Variants in ADAMTSL3 observed in about 807,000 individuals in gnomAD.
ADAMTSL3 encodes ADAMTS-like protein 3.
In ADAMTSL3, 128 loss-of-function variants were observed where a neutral mutation model predicts 201.7. That is an observed-to-expected ratio of 0.63 (90% CI 0.55 to 0.73). The LOEUF (loss-of-function observed/expected upper bound fraction) is 0.73, where lower values mean the gene tolerates loss of function less well. ADAMTSL3 is among the 30% of genes least tolerant of loss of function. ADAMTSL3 has a pLI of 0.00. For missense variants in ADAMTSL3, 1,990 were observed against 2,119.6 expected (o/e 0.94, Z 1.20); for synonymous variants, 738 against 748.4 (o/e 0.99, Z 0.23).
intron 3 of ADAMTSL3, among the ~76,000 whole-genome samples, chr15:83,767,428 C>A (rs747711761): frequency 2.0e-5 from 3 of 152,142 alleles, no homozygotes; most frequent in Non-Finnish European, 2.9e-5. Flanking sequence ...AAAATAATAA[C>A]AACATGGAAT....
At chr15:83,819,220 G>T (rs554317613) in intron 5 of ADAMTSL3, among the ~76,000 whole-genome samples, 1 of 145,732 alleles carries the variant, frequency 6.9e-6, no homozygotes, top group Non-Finnish European at 1.5e-5. Flanking sequence ...GCAGTGAGCC[G>T]AGCCACTGCA....
chr15:83,795,327 C>T (rs964151569), intron 4 of ADAMTSL3, among the ~76,000 whole-genome samples: 2 of 152,024 alleles, frequency 1.3e-5, no homozygotes, highest in African/African-American at 4.8e-5. Flanking sequence ...AAGGGAAATC[C>T]ATGGGGCCAA....
At chr15:83,868,581 C>G (rs1037936711) in intron 8 of ADAMTSL3, among the ~76,000 whole-genome samples, 2 of 152,142 alleles carry the variant, frequency 1.3e-5, no homozygotes, top group African/African-American at 2.4e-5. Flanking sequence ...CTTCACCCAC[C>G]TTTGACTCTG....
intron 15 of ADAMTSL3, among the ~76,000 whole-genome samples, chr15:83,900,531 C>G (rs143576284): frequency 6.6e-6 from 1 of 152,350 alleles, no homozygotes; most frequent in African/African-American, 2.4e-5. Flanking sequence ...GATTCCATGT[C>G]AAACATGTTA....
At chr15:83,738,951 AAAAAT>A (rs57844422) in intron 3 of ADAMTSL3, among the ~76,000 whole-genome samples, 5 of 148,846 alleles carry the variant, frequency 3.4e-5, no homozygotes, top group Non-Finnish European at 7.4e-5. Context: ...CCACAAGAAA[AAAAAT>A]AAAATAAAAT....
chr15:83,833,354 T>C (rs2064195261), intron 6 of ADAMTSL3, among the ~76,000 whole-genome samples: 1 of 152,184 alleles, frequency 6.6e-6, no homozygotes, highest in Non-Finnish European at 1.5e-5. Context: ...AGAGGCTGTG[T>C]CCTCACATGG....
intron 16 of ADAMTSL3, among the ~76,000 whole-genome samples, chr15:83,917,418 T>TGTGTGTATGTAC (rs763744666): frequency 5.7e-5 from 1 of 17,516 alleles, no homozygotes; most frequent in Non-Finnish European, 1.2e-4. Flanking sequence ...CCAAAGTGTG[T>TGTGTGTATGTAC]GTATGTATGT....
intron 4 of ADAMTSL3, among the ~76,000 whole-genome samples, chr15:83,786,470 T>C (rs2063265512): frequency 6.6e-6 from 1 of 152,202 alleles, no homozygotes; most frequent in Admixed American, 6.5e-5. Flanking sequence ...AATTATACTC[T>C]TTTAGGTATT....
At chr15:83,882,240 A>T (rs1422150425) in intron 9 of ADAMTSL3, among the ~76,000 whole-genome samples, 1 of 152,154 alleles carries the variant, frequency 6.6e-6, no homozygotes, top group Non-Finnish European at 1.5e-5. Flanking sequence ...CATTGGGGAG[A>T]TTCATCAGAA....
At chr15:84,037,482 G>T (rs1596565152) in intron 29 of ADAMTSL3, among the ~76,000 whole-genome samples, 2 of 152,194 alleles carry the variant, frequency 1.3e-5, no homozygotes, top group African/African-American at 4.8e-5. Context: ...TGGGCCAGAG[G>T]GACTGGGAGG....
chr15:83,687,433 T>A (rs191618274), intron 2 of ADAMTSL3, among the ~76,000 whole-genome samples: 381 of 152,324 alleles, frequency 2.5e-3, no homozygotes, highest in Middle Eastern at 0.01. Flanking sequence ...TTAGAATGTA[T>A]GATAGCCACG....
At chr15:83,892,607 A>T (rs2065530187) in intron 12 of ADAMTSL3, 77 bp from the exon 13 acceptor site, 1 of 1,437,958 alleles carries the variant, frequency 7.0e-7, no homozygotes, top group Non-Finnish European at 9.5e-7. Context: ...CCTTAAGGCC[A>T]TACTTTTTGC....
intron 2 of ADAMTSL3, among the ~76,000 whole-genome samples, chr15:83,669,608 C>T (rs866475739): frequency 6.6e-6 from 1 of 150,778 alleles, no homozygotes; most frequent in Non-Finnish European, 1.5e-5. Flanking sequence ...GCTGGGACTA[C>T]AGGTGCCCGC....
intron 3 of ADAMTSL3, among the ~76,000 whole-genome samples, chr15:83,748,633 G>C (rs1186955496): frequency 9.2e-6 from 1 of 109,132 alleles, no homozygotes; most frequent in African/African-American, 3.8e-5. Flanking sequence ...CTGGGTGACA[G>C]AGCAAGACCC....
At chr15:83,884,418 G>A (rs1243854903) in intron 9 of ADAMTSL3, among the ~76,000 whole-genome samples, 1 of 141,056 alleles carries the variant, frequency 7.1e-6, no homozygotes, top group Non-Finnish European at 1.5e-5. Context: ...GGGACTACAA[G>A]CATGTGGCAC....
chr15:83,904,101 G>T (rs1311260068), intron 15 of ADAMTSL3, among the ~76,000 whole-genome samples: 1 of 151,618 alleles, frequency 6.6e-6, no homozygotes, highest in Non-Finnish European at 1.5e-5. Context: ...CTTTACTCCT[G>T]AAGGACACCA....
rs1178054274 is a variant in ADAMTSL3, at chr15:83,942,583, T to C, written c.2118-13T>C. The C allele has an allele frequency of 6.2e-7, 1 of 1,605,714 alleles. No individual in the cohort carries two copies. Among genetic ancestry groups the C allele is most frequent in the Middle Eastern group, 1.9e-4 (1 of 5,398 alleles). Reference sequence around the variant, plus strand: ...TGGACTGTTCAACTTTCCCCACTTGTTTTCTGTTTTAGGTGGCATGTGGGC... The same window carrying C: ...TGGACTGTTCAACTTTCCCCACTTGCTTTCTGTTTTAGGTGGCATGTGGGC... On this transcript the variant is annotated splice_polypyrimidine_tract_variant and intron_variant, in intron 17 of 29. Transcript: ENST00000286744.
chr15:83,775,337 A>G (rs576398763), intron 4 of ADAMTSL3, among the ~76,000 whole-genome samples: 1 of 150,640 alleles, frequency 6.6e-6, no homozygotes, highest in Non-Finnish European at 1.5e-5. Flanking sequence ...ATTTATTTGC[A>G]TTGGTCTTTT....
chr15:83,927,225 T>C (rs970173584), intron 17 of ADAMTSL3, among the ~76,000 whole-genome samples: 11 of 152,112 alleles, frequency 7.2e-5, no homozygotes, highest in Non-Finnish European at 1.3e-4. Flanking sequence ...CAAGTGATTC[T>C]CCTGCCTGAG....
Sources: gnomAD v4.1 joint callset for allele counts (sites outside exome capture counted in the v4.1 genomes callset) on GRCh38, gnomAD v4.1.1 for gene constraint, MANE v1.5 for transcripts, NCBI Gene and HGNC (gene_info 2026-07-23, HGNC 2026-07-21) for gene names.